Variants in TGFB2 observed in about 807,000 individuals in gnomAD.
TGFB2 encodes transforming growth factor beta 2, also known as transforming growth factor beta-2 proprotein.
TGFB2 carries 13 observed loss-of-function variants against 42.7 expected under a neutral mutation model. That is an observed-to-expected ratio of 0.30 (90% CI 0.20 to 0.48). TGFB2 has a LOEUF of 0.48. TGFB2 is among the 20% of genes least tolerant of loss of function. TGFB2 has a pLI of 0.99. For synonymous variants in TGFB2, 193 were observed against 193.6 expected, an observed-to-expected ratio of 1.00 and a Z score of 0.03; for missense variants, 390 against 517.5, an observed-to-expected ratio of 0.75 and a Z score of 2.39.
intron 2 of TGFB2, 29 bp downstream of exon 2, chr1:218,405,361 G>A: frequency 6.2e-7 from 1 of 1,611,746 alleles, no homozygotes; most frequent in South Asian, 1.1e-5. Context: ...TGTTGTTGTT[G>A]TTGTTGTTGT....
intron 1 of TGFB2, among the ~76,000 whole-genome samples, chr1:218,357,960 AC>A (rs1657094056): frequency 6.6e-6 from 1 of 152,072 alleles, no homozygotes; most frequent in South Asian, 2.1e-4. Flanking sequence ...AAAAAGAAAA[AC>A]GTTGTGACTG....
chr1:218,369,053 G>A (rs12731614), intron 1 of TGFB2, among the ~76,000 whole-genome samples: 2 of 151,696 alleles, frequency 1.3e-5, no homozygotes, highest in African/African-American at 2.4e-5. Flanking sequence ...TCAAGAGATC[G>A]AGACCATCCT....
At chr1:218,420,336 G>A (rs140392284) in intron 2 of TGFB2, among the ~76,000 whole-genome samples, 14 of 152,126 alleles carry the variant, frequency 9.2e-5, no homozygotes, top group South Asian at 4.2e-4. Context: ...CCCCTCTCTC[G>A]CCTGGTCTAT....
At chr1:218,398,222 T>C (rs1234896907) in intron 1 of TGFB2, among the ~76,000 whole-genome samples, 2 of 152,262 alleles carry the variant, frequency 1.3e-5, no homozygotes, top group African/African-American at 2.4e-5. Context: ...TATCACGGAT[T>C]CCTAGGCAAG....
At chr1:218,423,936 T>C (rs1659538280) in intron 2 of TGFB2, among the ~76,000 whole-genome samples, 1 of 152,250 alleles carries the variant, frequency 6.6e-6, no homozygotes, top group South Asian at 2.1e-4. Context: ...TTTAGGCTTG[T>C]CTGACTCCAA....
chr1:218,386,730 C>G (rs1410309529), intron 1 of TGFB2, among the ~76,000 whole-genome samples: 1 of 152,168 alleles, frequency 6.6e-6, no homozygotes, highest in Non-Finnish European at 1.5e-5. Context: ...TTTCTATGTT[C>G]CTGCCTAGAA....
At chr1:218,402,078 A>G (rs2102591310) in intron 1 of TGFB2, among the ~76,000 whole-genome samples, 1 of 152,310 alleles carries the variant, frequency 6.6e-6, no homozygotes, top group Non-Finnish European at 1.5e-5. Flanking sequence ...TTCAGTTGAC[A>G]GTTTTTACCA....
chr1:218,413,603 C>T (rs1439185642), intron 2 of TGFB2, among the ~76,000 whole-genome samples: 1 of 152,150 alleles, frequency 6.6e-6, no homozygotes, highest in Non-Finnish European at 1.5e-5. Context: ...TACAGATGGT[C>T]CCCTATTTAA....
chr1:218,353,727 T>C (rs1265402383), intron 1 of TGFB2, among the ~76,000 whole-genome samples: 2 of 152,098 alleles, frequency 1.3e-5, no homozygotes, highest in Non-Finnish European at 2.9e-5. Flanking sequence ...CAAGATCTTG[T>C]CTCTACAGAG....
chr1:218,347,074 C>T (rs749401285), intron 1 of TGFB2, 27 bp downstream of exon 1: 4 of 1,547,974 alleles, frequency 2.6e-6, no homozygotes, highest in South Asian at 2.4e-5. Flanking sequence ...ACTTCCATCC[C>T]CTGAGGTTTA....
chr1:218,415,182 G>A lies in TGFB2; in HGVS notation c.510+9850G>A, dbSNP rs1341693966. ...TAGCACAGTATCTGTATCCTCAGCG[G>A]TTACTATTATTATCATTACAGTTTC... On this transcript the variant is annotated intron_variant, in intron 2 of 6. Coordinates refer to ENST00000366930, the MANE Select transcript of TGFB2 (RefSeq NM_003238.6). Among the ~76,000 whole-genome samples the A allele has an allele frequency of 2.6e-5, 4 of 152,158 alleles. No individual in the cohort carries two copies. The East Asian group carries it at 7.7e-4, about 29-fold the overall frequency.
intron 1 of TGFB2, among the ~76,000 whole-genome samples, chr1:218,352,750 T>C (rs1656909529): frequency 6.6e-6 from 1 of 152,226 alleles, no homozygotes; most frequent in African/African-American, 2.4e-5. Flanking sequence ...GCCTCTTCCC[T>C]ACCATCTCTA....
At chr1:218,435,353 C>A (rs1053809383) in intron 4 of TGFB2, among the ~76,000 whole-genome samples, 2 of 152,150 alleles carry the variant, frequency 1.3e-5, no homozygotes, top group Non-Finnish European at 2.9e-5. Flanking sequence ...CTTGAGCATG[C>A]TTTGGGGAGC....
chr1:218,395,286 C>G (rs949478268), intron 1 of TGFB2, among the ~76,000 whole-genome samples: 7 of 152,232 alleles, frequency 4.6e-5, no homozygotes, highest in African/African-American at 1.4e-4. Flanking sequence ...GTCTCCACAT[C>G]AGGTGCGTTC....
At chr1:218,362,378 GT>G (rs1657239676) in intron 1 of TGFB2, among the ~76,000 whole-genome samples, 1 of 152,180 alleles carries the variant, frequency 6.6e-6, no homozygotes, top group Admixed American at 6.5e-5. Flanking sequence ...TGTCACACAA[GT>G]TAGACAACTG....
At chr1:218,411,079 T>C (rs1358987996) in intron 2 of TGFB2, among the ~76,000 whole-genome samples, 1 of 152,168 alleles carries the variant, frequency 6.6e-6, no homozygotes, top group Admixed American at 6.5e-5. Flanking sequence ...TTTGCTAACC[T>C]CAGAGGACTT....
intron 1 of TGFB2, among the ~76,000 whole-genome samples, chr1:218,392,933 A>ACAAATCAG (rs1658365756): frequency 6.6e-6 from 1 of 152,238 alleles, no homozygotes. Flanking sequence ...GGGCAGAGCA[A>ACAAATCAG]CAAATCAGCA....
At chr1:218,429,592 T>C (rs1180210535) in intron 2 of TGFB2, among the ~76,000 whole-genome samples, 1 of 152,148 alleles carries the variant, frequency 6.6e-6, no homozygotes, top group Admixed American at 6.5e-5. Flanking sequence ...AGCTTTCAGT[T>C]CTTTTGGCTA....
intron 1 of TGFB2, among the ~76,000 whole-genome samples, chr1:218,400,735 C>G (rs922881776): frequency 1.3e-5 from 2 of 152,192 alleles, no homozygotes; most frequent in African/African-American, 4.8e-5. Context: ...CATATTGTGG[C>G]ACTGCCAGCT....
Sources: allele counts gnomAD v4.1 joint callset (sites outside exome capture counted in the v4.1 genomes callset), GRCh38; gene constraint gnomAD v4.1.1; transcripts MANE v1.5; gene names NCBI Gene and HGNC (gene_info 2026-07-23, HGNC 2026-07-21).